Variants in THSD7A observed in about 807,000 individuals in gnomAD.
The protein encoded by THSD7A is thrombospondin type 1 domain containing 7A.
THSD7A carries 96 observed loss-of-function variants against 231.3 expected under a neutral mutation model. The observed-to-expected ratio is 0.41, with a 90% CI of 0.35 to 0.49. The LOEUF (loss-of-function observed/expected upper bound fraction) is 0.49. Ranked by LOEUF, THSD7A falls within the 20% of genes least tolerant of loss-of-function variation. THSD7A has a pLI of 0.05. For missense variants in THSD7A, 2,290 were observed against 2,070.2 expected, an observed-to-expected ratio of 1.11 and a Z score of -2.06; for synonymous variants, 940 against 743.3, an observed-to-expected ratio of 1.26 and a Z score of -4.30.
intron 11 of THSD7A, among the ~76,000 whole-genome samples, chr7:11,455,860 C>T (rs557132898): frequency 1.3e-5 from 2 of 152,072 alleles, no homozygotes. Flanking sequence ...AACACAATTG[C>T]TTCCCAAATC....
intron 1 of THSD7A, among the ~76,000 whole-genome samples, chr7:11,739,913 A>T (rs1053685608): frequency 2.0e-5 from 3 of 151,984 alleles, no homozygotes; most frequent in African/African-American, 7.2e-5. Flanking sequence ...TGGAAGAGCT[A>T]ATAAGAGGGT....
chr7:11,411,588 G>C lies in THSD7A; in HGVS notation c.3683-266C>G, dbSNP rs1783788863. Among the ~76,000 whole-genome samples the C allele has an allele frequency of 6.6e-6, 1 of 152,184 alleles. No individual in the cohort carries two copies. The highest frequency in any genetic ancestry group is 6.5e-5 in the Admixed American group (1 of 15,276). ...TGATAGCTAGCCGTTTGGTGACACT[G>C]TGAAAATGGCTTTGGCTTACAGATC... On this transcript the variant is annotated intron_variant, in intron 18 of 27. Coordinates refer to ENST00000423059, the MANE Select transcript of THSD7A (RefSeq NM_015204.3). The surrounding 1 kb of genome is among the most constrained non-coding windows in gnomAD (Gnocchi z 4.1).
intron 4 of THSD7A, among the ~76,000 whole-genome samples, chr7:11,575,990 A>G (rs529144766): frequency 6.6e-6 from 1 of 152,206 alleles, no homozygotes; most frequent in African/African-American, 2.4e-5. Flanking sequence ...CTCATTTACA[A>G]CTGGTTTCTG....
At chr7:11,560,786 T>C (rs62434492) in intron 4 of THSD7A, among the ~76,000 whole-genome samples, 1 of 143,248 alleles carries the variant, frequency 7.0e-6, no homozygotes, top group Non-Finnish European at 1.6e-5. Flanking sequence ...ACTACGGGTG[T>C]GTTCCTGGTG....
At chr7:11,750,018 A>ATTT (rs561367892) in intron 1 of THSD7A, among the ~76,000 whole-genome samples, 3,454 of 140,676 alleles carry the variant, frequency 0.025, 145 homozygotes, top group African/African-American at 0.085. Flanking sequence ...AGTGGCCAGA[A>ATTT]TTTTTTTTTT....
At chr7:11,395,223 A>C (rs1051478233) in intron 23 of THSD7A, among the ~76,000 whole-genome samples, 1 of 152,186 alleles carries the variant, frequency 6.6e-6, no homozygotes, top group African/African-American at 2.4e-5. Context: ...AAAGAGACAA[A>C]GAAGAGCATT....
chr7:11,487,601 G>C (rs1217632714), intron 6 of THSD7A, among the ~76,000 whole-genome samples: 2 of 152,016 alleles, frequency 1.3e-5, no homozygotes, highest in African/African-American at 4.8e-5. Flanking sequence ...AAGAAAAAGA[G>C]GTTTAATGGA....
chr7:11,580,443 C>A (rs1304882166), intron 4 of THSD7A, among the ~76,000 whole-genome samples: 4 of 152,116 alleles, frequency 2.6e-5, no homozygotes, highest in African/African-American at 4.8e-5. Flanking sequence ...TCAGTCTAAA[C>A]TCCAAGTACA....
At chr7:11,651,736 GTAGCTT>G (rs1201401664) in intron 1 of THSD7A, among the ~76,000 whole-genome samples, 4 of 151,906 alleles carry the variant, frequency 2.6e-5, no homozygotes, top group Non-Finnish European at 5.9e-5. Context: ...TATAGATCTG[GTAGCTT>G]TTCTTTGTTT....
At chr7:11,516,364 C>T (rs144554204) in intron 6 of THSD7A, among the ~76,000 whole-genome samples, 2 of 152,140 alleles carry the variant, frequency 1.3e-5, no homozygotes, top group African/African-American at 4.8e-5. Flanking sequence ...TCCGTGTACC[C>T]GAGGAATGAT....
chr7:11,483,879 C>T (rs981759134), intron 6 of THSD7A, among the ~76,000 whole-genome samples: 3 of 152,090 alleles, frequency 2.0e-5, no homozygotes, highest in Non-Finnish European at 4.4e-5. Flanking sequence ...TGTGGCAATG[C>T]AGACTTTGCT....
chr7:11,380,840 G>A (rs1216748949), intron 24 of THSD7A, among the ~76,000 whole-genome samples: 3 of 152,066 alleles, frequency 2.0e-5, no homozygotes, highest in Non-Finnish European at 4.4e-5. Context: ...AATAGCATTA[G>A]AAATAATCCA....
chr7:11,564,790 T>C (rs559490462), intron 4 of THSD7A, among the ~76,000 whole-genome samples: 3 of 152,284 alleles, frequency 2.0e-5, no homozygotes, highest in South Asian at 4.1e-4. Flanking sequence ...TCAAATAAAA[T>C]ACAACTGTGC....
intron 1 of THSD7A, among the ~76,000 whole-genome samples, chr7:11,721,247 C>G (rs1754750173): frequency 2.6e-5 from 4 of 151,776 alleles, no homozygotes; most frequent in Admixed American, 2.6e-4. Flanking sequence ...TGTCTCCACT[C>G]AAATTTCCTG....
chr7:11,482,491 C>T (rs972248491), intron 6 of THSD7A, among the ~76,000 whole-genome samples: 4 of 152,086 alleles, frequency 2.6e-5, no homozygotes, highest in Non-Finnish European at 4.4e-5. Context: ...CTTCTTCTTT[C>T]GTAAAAAATT....
intron 4 of THSD7A, among the ~76,000 whole-genome samples, chr7:11,562,833 T>G (rs1156318468): frequency 6.6e-6 from 1 of 152,244 alleles, no homozygotes; most frequent in African/African-American, 2.4e-5. Flanking sequence ...TTGGTGCCAT[T>G]GGCACTAGTG....
chr7:11,698,798 G>C (rs1245881420), intron 1 of THSD7A, among the ~76,000 whole-genome samples: 1 of 151,378 alleles, frequency 6.6e-6, no homozygotes, highest in Non-Finnish European at 1.5e-5. Flanking sequence ...TGTGAAAGGA[G>C]AGCGATGTTA....
chr7:11,450,245 A>G (rs1785101440), intron 11 of THSD7A, among the ~76,000 whole-genome samples: 1 of 152,082 alleles, frequency 6.6e-6, no homozygotes, highest in Non-Finnish European at 1.5e-5. Context: ...GCAGATCTAT[A>G]CTATTCACAT....
At chr7:11,694,496 T>G (rs1253456109) in intron 1 of THSD7A, among the ~76,000 whole-genome samples, 1 of 151,534 alleles carries the variant, frequency 6.6e-6, no homozygotes, top group African/African-American at 2.4e-5. Flanking sequence ...CAGACACAGG[T>G]TAGAATACCA....
Sources: allele counts gnomAD v4.1 joint callset (sites outside exome capture counted in the v4.1 genomes callset), GRCh38; gene constraint gnomAD v4.1.1; non-coding constraint Gnocchi (gnomAD v3.1); transcripts MANE v1.5; gene names NCBI Gene and HGNC (gene_info 2026-07-23, HGNC 2026-07-21).